QKI: variants seen among roughly 807,000 people sequenced by gnomAD.
QKI encodes KH domain-containing RNA-binding protein QKI.
In QKI, 10 loss-of-function variants were observed where a neutral mutation model predicts 39.0. The ratio of observed to expected loss-of-function variants is 0.26; its 90% CI spans 0.16 to 0.43. The LOEUF is 0.43. Ranked by LOEUF, QKI falls within the 20% of genes least tolerant of loss-of-function variation. QKI has a pLI of 1.00. For missense variants in QKI, 218 were observed against 428.0 expected (o/e 0.51, Z 4.33); for synonymous variants, 204 against 155.4 (o/e 1.31, Z -2.33).
chr6:163,471,066 G>A (rs549333570), intron 2 of QKI, among the ~76,000 whole-genome samples: 7 of 152,086 alleles, frequency 4.6e-5, no homozygotes, highest in Admixed American at 6.5e-5. Flanking sequence ...TGATAAACAT[G>A]ATAAAGGAGA....
At chr6:163,534,928 G>A (rs1033072405) in intron 3 of QKI, 54 bp from the exon 4 acceptor site, 37 of 1,370,358 alleles carry the variant, frequency 2.7e-5, no homozygotes, top group East Asian at 4.9e-5. Flanking sequence ...TATGAAAGAT[G>A]TGCTCTCTCT....
chr6:163,427,180 A>C (rs1037379379), intron 1 of QKI, among the ~76,000 whole-genome samples: 15 of 148,744 alleles, frequency 1.0e-4, no homozygotes, highest in Admixed American at 1.0e-3. Context: ...TTTAAAATTC[A>C]TTCATTCATT....
chr6:163,443,719 G>A (rs1406144797), intron 1 of QKI, among the ~76,000 whole-genome samples: 3 of 152,210 alleles, frequency 2.0e-5, no homozygotes, highest in African/African-American at 7.2e-5. Flanking sequence ...GTATTAAGGT[G>A]ATACTGAGGT....
intron 2 of QKI, among the ~76,000 whole-genome samples, chr6:163,475,380 G>A (rs142066940): frequency 1.5e-4 from 23 of 152,208 alleles, no homozygotes; most frequent in African/African-American, 4.8e-4. Flanking sequence ...GCATAACAGT[G>A]ATTTACACAG....
intron 2 of QKI, among the ~76,000 whole-genome samples, chr6:163,473,025 A>G (rs991954918): frequency 1.3e-5 from 2 of 152,158 alleles, no homozygotes; most frequent in African/African-American, 4.8e-5. Flanking sequence ...GTAGAAATCA[A>G]TTAAAGACAA....
chr6:163,415,347 C>T lies in QKI; in HGVS notation c.142+12C>T. The T allele has an allele frequency of 6.3e-7, 1 of 1,579,144 alleles. No homozygotes were observed. The highest frequency in any genetic ancestry group is 8.6e-7 in the Non-Finnish European group (1 of 1,158,406). On this transcript the variant is annotated intron_variant, in intron 1 of 7. Coordinates refer to ENST00000361752, the MANE Select transcript of QKI (RefSeq NM_006775.3). ...GCTGCTGGACGAAGGTGAGCGTCTC[C>T]AGGGCCCCGGCCCCGGCCCGACCCC...
At chr6:163,503,558 A>G (rs1038821339) in intron 3 of QKI, among the ~76,000 whole-genome samples, 3 of 149,684 alleles carry the variant, frequency 2.0e-5, no homozygotes, top group Non-Finnish European at 4.5e-5. Context: ...CTGTGCGGAA[A>G]CTCTTTAGTT....
chr6:163,569,541 C>T, intron 7 of QKI: 1 of 1,205,014 alleles, frequency 8.3e-7, no homozygotes, highest in Non-Finnish European at 1.1e-6. Context: ...TTAAGTGGAC[C>T]AAGTTTGGTG....
intron 3 of QKI, among the ~76,000 whole-genome samples, chr6:163,511,841 TTATA>T (rs1733727056): frequency 6.6e-6 from 1 of 152,020 alleles, no homozygotes; most frequent in Non-Finnish European, 1.5e-5. Context: ...ACTCATTTTA[TTATA>T]ACAAATTGGT....
intron 3 of QKI, 157 bp from the exon 4 acceptor site, chr6:163,534,825 A>G: frequency 3.5e-6 from 2 of 565,600 alleles, no homozygotes; most frequent in Non-Finnish European, 5.9e-6. Context: ...CATTCAATCA[A>G]ACTTTGAGGA....
intron 3 of QKI, among the ~76,000 whole-genome samples, chr6:163,512,021 G>A (rs544278500): frequency 6.6e-6 from 1 of 152,120 alleles, no homozygotes; most frequent in South Asian, 2.1e-4. Flanking sequence ...TATATTTTGA[G>A]AATGCAAGTT....
chr6:163,547,803 G>T (rs897200310), intron 4 of QKI, among the ~76,000 whole-genome samples: 8 of 152,000 alleles, frequency 5.3e-5, no homozygotes, highest in African/African-American at 1.9e-4. Flanking sequence ...GAGTAGGTCT[G>T]TTACCCATGG....
intron 2 of QKI, among the ~76,000 whole-genome samples, chr6:163,456,671 T>G (rs929615742): frequency 6.6e-6 from 1 of 152,200 alleles, no homozygotes; most frequent in Admixed American, 6.6e-5. Flanking sequence ...TATATACATT[T>G]ACTCTGGTTT....
At chr6:163,417,678 T>C (rs1346185677) in intron 1 of QKI, among the ~76,000 whole-genome samples, 2 of 152,220 alleles carry the variant, frequency 1.3e-5, no homozygotes, top group African/African-American at 4.8e-5. Context: ...CTATGATATC[T>C]CCTAGATAAT....
At chr6:163,458,690 C>G (rs1192783912) in intron 2 of QKI, among the ~76,000 whole-genome samples, 1 of 152,102 alleles carries the variant, frequency 6.6e-6, no homozygotes, top group Non-Finnish European at 1.5e-5. Flanking sequence ...GTGCTATAGT[C>G]TGTAGCCCTT....
intron 3 of QKI, among the ~76,000 whole-genome samples, chr6:163,517,586 A>G (rs1489292287): frequency 6.6e-6 from 1 of 152,070 alleles, no homozygotes; most frequent in African/African-American, 2.4e-5. Context: ...TCTGGCTTAG[A>G]TTAGTTTTTT....
intron 3 of QKI, among the ~76,000 whole-genome samples, chr6:163,521,855 T>C (rs1441271967): frequency 1.3e-5 from 2 of 152,116 alleles, no homozygotes; most frequent in Admixed American, 6.5e-5. Context: ...ATTGATTAAT[T>C]GCTAATTTAT....
intron 2 of QKI, among the ~76,000 whole-genome samples, chr6:163,464,848 T>C (rs1791613622): frequency 6.6e-6 from 1 of 152,162 alleles, no homozygotes; most frequent in Non-Finnish European, 1.5e-5. Context: ...AGGCCAGCAT[T>C]ACCCTTAACC....
rs562025998 is a variant in QKI at position 163,571,672 on chromosome 6, A to T, written c.*962A>T. On this transcript the variant is annotated 3_prime_UTR_variant, in exon 8 of 8. Coordinates refer to ENST00000361752, the MANE Select transcript of QKI (RefSeq NM_006775.3). ...ATACAAGGGTGCTGGTGCAGAAAAA[A>T]ATATATATATTTTTGGAAATGTAGC... 2.0e-5 allele frequency: 3 copies of T among 152,106 alleles called. No homozygotes were observed. Among genetic ancestry groups the T allele is most frequent in the African/African-American group, 7.2e-5 (3 of 41,526 alleles). The allele number at this position is 152,106 out of a possible 1,614,324, so 9.4% of individuals were successfully genotyped here.
Sources: allele counts gnomAD v4.1 joint callset (sites outside exome capture counted in the v4.1 genomes callset), GRCh38; gene constraint gnomAD v4.1.1; transcripts MANE v1.5; gene names NCBI Gene and HGNC (gene_info 2026-07-23, HGNC 2026-07-21).